The following HES7 variants were observed in gnomAD, a reference collection of about 807,000 sequenced individuals.
HES7 encodes hes family bHLH transcription factor 7.
A neutral mutation model predicts 18.0 loss-of-function variants in HES7; 8 were observed. The observed-to-expected ratio is 0.45, with a 90% CI of 0.26 to 0.80. HES7 has a LOEUF of 0.80. HES7 is among the 30% of genes least tolerant of loss of function. The pLI, the probability that HES7 is intolerant of heterozygous loss-of-function variation, is 0.18. For synonymous variants in HES7, 170 were observed against 158.6 expected (o/e 1.07, Z -0.54); for missense variants, 356 against 340.9 (o/e 1.04, Z -0.35).
chr17:8,122,909 G>C lies in HES7; in HGVS notation c.138+122C>G. On this transcript the variant is annotated intron_variant, in intron 2 of 3. Coordinates refer to ENST00000541682, the MANE Select transcript of HES7 (RefSeq NM_001165967.2). This position sits in a 1 kb window ranked among gnomAD's most constrained non-coding sequence, Gnocchi z 6.9. ...GTCTGGGATGGAATTCCAAAGGCGGGACTCGGGTGAGGATGCCTTGGGGCC... is the reference window on the plus strand; with the variant it reads ...GTCTGGGATGGAATTCCAAAGGCGGCACTCGGGTGAGGATGCCTTGGGGCC... The C allele has an allele frequency of 2.6e-6, 2 of 763,872 alleles. No homozygotes were observed. The highest frequency in any genetic ancestry group is 4.7e-6 in the Non-Finnish European group (2 of 429,170). 47.3% of individuals were successfully genotyped at this position (763,872 alleles called of 1,614,324 possible). A position where few individuals can be genotyped will look rare whatever the true frequency, so the allele number is the denominator to read the frequency against.
In HES7 at chr17:8,121,484, C is replaced by T; in HGVS notation, c.*87G>A. 5 of 1,194,842 alleles carry T rather than the reference C, an allele frequency of 4.2e-6. No individual in the cohort carries two copies. The highest frequency in any genetic ancestry group is 5.3e-6 in the Non-Finnish European group (5 of 945,242). 74.0% of individuals were successfully genotyped at this position (1,194,842 alleles called of 1,614,324 possible). ...GCCCCACTGCCCTCCCCAACACCTG[C>T]TCGCCCGGACGCCCGGGTCCCTCTG... On this transcript the variant is annotated 3_prime_UTR_variant, in exon 4 of 4. Coordinates refer to ENST00000541682, the MANE Select transcript of HES7 (RefSeq NM_001165967.2).
rs1372483607 is a variant in HES7 at position 8,122,044 on chromosome 17, C to T, written c.227-7G>A. ...ACCCCTGGAGCCGCGGCGGCTGGTGCGGCCGGCGGGAGCACAGGTGGGCAG... is the reference window on the plus strand; with the variant it reads ...ACCCCTGGAGCCGCGGCGGCTGGTGTGGCCGGCGGGAGCACAGGTGGGCAG... On this transcript the variant is annotated splice_polypyrimidine_tract_variant and splice_region_variant and intron_variant, in intron 3 of 3. Transcript: ENST00000541682. The surrounding 1 kb of genome is among the most constrained non-coding windows in gnomAD (Gnocchi z 6.9). 1.3e-6 allele frequency: 2 copies of T among 1,497,044 alleles called. No homozygotes were observed. The highest frequency in any genetic ancestry group is 1.4e-5 in the African/African-American group (1 of 69,082). The allele number at this position is 1,497,044 out of a possible 1,614,324, so 92.7% of individuals were successfully genotyped here. A position where few individuals can be genotyped will look rare whatever the true frequency, so the allele number is the denominator to read the frequency against.
rs763432621 is a variant in HES7, at chr17:8,122,087, G to A, written c.227-50C>T. On this transcript the variant is annotated intron_variant, in intron 3 of 3. Coordinates refer to ENST00000541682, the MANE Select transcript of HES7 (RefSeq NM_001165967.2). This position sits in a 1 kb window ranked among gnomAD's most constrained non-coding sequence, Gnocchi z 6.9. ...GTGGGCAGGGCAGGGGCCCGGCAGG[G>A]GTGAGGGAAGGGGCGGGGCGCAGAG... The A allele has an allele frequency of 1.5e-4, 218 of 1,428,254 alleles. No homozygotes were observed. In the East Asian group the frequency reaches 4.5e-3, roughly 29 times the overall value. 88.5% of individuals were successfully genotyped at this position (1,428,254 alleles called of 1,614,324 possible).
Position 8,121,959 on chromosome 17 carries a change from C to G in HES7, c.305G>C (p.Arg102Pro). 1 of 1,554,128 alleles carries G rather than the reference C, an allele frequency of 6.4e-7. No homozygotes were observed. Among genetic ancestry groups the G allele is most frequent in the South Asian group, 1.2e-5 (1 of 86,224 alleles). The change falls in exon 4 of 4, where the codon CGC becomes CCC. Residue 102 changes from arginine to proline, a missense_variant. Physicochemically the swap from Arg to Pro is moderately radical, Grantham distance 103. Coordinates refer to ENST00000541682, the MANE Select transcript of HES7 (RefSeq NM_001165967.2). ...GGCCGCCAAGCGAAGCAGGCACTCG[C>G]GGAAACCGGACAAGTAGCAGCTGGC... ...ALASCYLSGF[R>P]ECLLRLAAFA...
chr17:8,122,177 G>T lies in HES7; in HGVS notation c.227-140C>A. On this transcript the variant is annotated intron_variant, in intron 3 of 3. Coordinates refer to ENST00000541682, the MANE Select transcript of HES7 (RefSeq NM_001165967.2). The surrounding 1 kb of genome is among the most constrained non-coding windows in gnomAD (Gnocchi z 6.9). The stretch of plus-strand genomic sequence containing the variant: ...ATGGACGGAAAGAGGGAGAAAATGA[G>T]GGAGACACAGAGACAGACACGCGCG... The T allele has an allele frequency of 1.0e-6, 1 of 956,596 alleles. No homozygotes were observed. 59.3% of individuals were successfully genotyped at this position (956,596 alleles called of 1,614,324 possible).
rs1981439240 is a variant in HES7, at chr17:8,123,033, G to C, written c.136C>G (p.Gln46Glu). The C allele has an allele frequency of 4.4e-6, 7 of 1,595,482 alleles. No individual in the cohort carries two copies. The South Asian group carries it at 7.9e-5, about 18-fold the overall frequency. Residue 46 changes from glutamine to glutamate, a missense_variant and splice_region_variant, in exon 2 of 4, where the codon CAG becomes GAG. Physicochemically the swap from Gln to Glu is conservative, Grantham distance 29. Transcript: ENST00000541682. This position sits in a 1 kb window ranked among gnomAD's most constrained non-coding sequence, Gnocchi z 5.9. ...RLLLLERTRD[Q>E]NLRNPKLEKA... Reference sequence around the variant, plus strand: ...CTAGGGCTAGCGGAGGGACTGACCTGGTCCCGGGTCCGCTCCAGCAGCAGC... The same window carrying C: ...CTAGGGCTAGCGGAGGGACTGACCTCGTCCCGGGTCCGCTCCAGCAGCAGC...
rs1213237009 is a variant in HES7, at chr17:8,122,062, G to A, written c.227-25C>T. The A allele has an allele frequency of 4.0e-6, 6 of 1,488,982 alleles. No homozygotes were observed. In the African/African-American group the frequency reaches 7.2e-5, roughly 18 times the overall value. 92.2% of individuals were successfully genotyped at this position (1,488,982 alleles called of 1,614,324 possible). A position where few individuals can be genotyped will look rare whatever the true frequency, so the allele number is the denominator to read the frequency against. The stretch of plus-strand genomic sequence containing the variant: ...GCTGGTGCGGCCGGCGGGAGCACAG[G>A]TGGGCAGGGCAGGGGCCCGGCAGGG... On this transcript the variant is annotated intron_variant, in intron 3 of 3. Transcript: ENST00000541682. This position sits in a 1 kb window ranked among gnomAD's most constrained non-coding sequence, Gnocchi z 6.9.
Position 8,123,018 on chromosome 17 carries a change from C to G in HES7, c.138+13G>C. The G allele has an allele frequency of 7.6e-6, 12 of 1,583,310 alleles. No homozygotes were observed. The highest frequency in any genetic ancestry group is 1.0e-5 in the Non-Finnish European group (12 of 1,162,816). On this transcript the variant is annotated intron_variant, in intron 2 of 3. Coordinates refer to ENST00000541682, the MANE Select transcript of HES7 (RefSeq NM_001165967.2). This position sits in a 1 kb window ranked among gnomAD's most constrained non-coding sequence, Gnocchi z 5.9. The stretch of plus-strand genomic sequence containing the variant: ...GGGAAGCTTGGGGACCTAGGGCTAG[C>G]GGAGGGACTGACCTGGTCCCGGGTC...
Position 8,122,490 on chromosome 17 carries a change from G to T in HES7, c.139-60C>A. 3 of 1,180,118 alleles carry T rather than the reference G, an allele frequency of 2.5e-6. No homozygotes were observed. Among genetic ancestry groups the T allele is most frequent in the Non-Finnish European group, 2.5e-6 (2 of 810,670 alleles). The allele number at this position is 1,180,118 out of a possible 1,614,324, so 73.1% of individuals were successfully genotyped here. On this transcript the variant is annotated intron_variant, in intron 2 of 3. Transcript: ENST00000541682. The surrounding 1 kb of genome is among the most constrained non-coding windows in gnomAD (Gnocchi z 6.9). ...GGGGTGGGGAGAAAGGGGGAAAGTG[G>T]CAGGGGGAAGAAGGGAGGGACGGAT...
chr17:8,121,296 G>T lies in HES7; in HGVS notation c.*275C>A. The T allele has an allele frequency of 2.9e-6, 1 of 347,544 alleles. No individual in the cohort carries two copies. The highest frequency in any genetic ancestry group is 5.1e-6 in the Non-Finnish European group (1 of 194,392). 21.5% of individuals were successfully genotyped at this position (347,544 alleles called of 1,614,324 possible). A position where few individuals can be genotyped will look rare whatever the true frequency, so the allele number is the denominator to read the frequency against. On this transcript the variant is annotated 3_prime_UTR_variant, in exon 4 of 4. Transcript: ENST00000541682. ...AATAACCACTTTATTCCATGCACTAGGGACTCGGGAAGGGACTGGGACTGG... is the reference window on the plus strand; with the variant it reads ...AATAACCACTTTATTCCATGCACTATGGACTCGGGAAGGGACTGGGACTGG...
rs540088263 is a variant in HES7, at chr17:8,120,905, G to T, written c.*666C>A. ...CCACTCTAGTACCCGTAAGCTACAA[G>T]ACGCCGCCGTTCGTCGGGTGGCTCT... On this transcript the variant is annotated 3_prime_UTR_variant, in exon 4 of 4. Transcript: ENST00000541682. 2.6e-3 allele frequency: 398 copies of T among 152,792 alleles called. 3 individuals are homozygous for T. The highest frequency in any genetic ancestry group is 3.0e-3 in the Non-Finnish European group (203 of 68,048). 9.5% of individuals were successfully genotyped at this position (152,792 alleles called of 1,614,324 possible).
Position 8,121,899 on chromosome 17 carries a change from T to C in HES7, c.365A>G (p.Gln122Arg). 2 of 1,568,114 alleles carry C rather than the reference T, an allele frequency of 1.3e-6. No individual in the cohort carries two copies. Among genetic ancestry groups the C allele is most frequent in the South Asian group, 2.3e-5 (2 of 87,994 alleles). Residue 122 changes from glutamine to arginine, a missense_variant, in exon 4 of 4, where the codon CAG becomes CGG. Physicochemically the swap from Gln to Arg is conservative, Grantham distance 43. Coordinates refer to ENST00000541682, the MANE Select transcript of HES7 (RefSeq NM_001165967.2). ...ATAGCCGTGCAGCGCGGAGAAGAGCTGGGCGCGGGCGGCCGGGCTGGCGTC... is the reference window on the plus strand; with the variant it reads ...ATAGCCGTGCAGCGCGGAGAAGAGCCGGGCGCGGGCGGCCGGGCTGGCGTC... Reference protein sequence around the residue: ...AHDASPAARAQLFSALHGYLR... With the variant: ...AHDASPAARARLFSALHGYLR...
Position 8,122,285 on chromosome 17 carries a change from G to T in HES7, c.226+58C>A. The T allele has an allele frequency of 7.0e-7, 1 of 1,432,136 alleles. No homozygotes were observed. The highest frequency in any genetic ancestry group is 9.6e-7 in the Non-Finnish European group (1 of 1,041,768). The allele number at this position is 1,432,136 out of a possible 1,614,324, so 88.7% of individuals were successfully genotyped here. ...CGCAGGGCCCGCCCACTCTGCCCCG[G>T]CCGGAGCCTCCTGGCGTCCCCCCTC... On this transcript the variant is annotated intron_variant, in intron 3 of 3. Coordinates refer to ENST00000541682, the MANE Select transcript of HES7 (RefSeq NM_001165967.2). This position sits in a 1 kb window ranked among gnomAD's most constrained non-coding sequence, Gnocchi z 6.9.
rs751740177 is a variant in HES7, at chr17:8,121,457, G to C, written c.*114C>G. 1 of 829,176 alleles carries C rather than the reference G, an allele frequency of 1.2e-6. No homozygotes were observed. The highest frequency in any genetic ancestry group is 1.8e-5 in the African/African-American group (1 of 56,182). The allele number at this position is 829,176 out of a possible 1,614,324, so 51.4% of individuals were successfully genotyped here. On this transcript the variant is annotated 3_prime_UTR_variant, in exon 4 of 4. Coordinates refer to ENST00000541682, the MANE Select transcript of HES7 (RefSeq NM_001165967.2). ...CATCTCACCCGCGCGCTGAGCCCGCGCGCCCCACTGCCCTCCCCAACACCT... is the reference window on the plus strand; with the variant it reads ...CATCTCACCCGCGCGCTGAGCCCGCCCGCCCCACTGCCCTCCCCAACACCT...
At position 8,121,486 on chromosome 17, in the gene HES7, C is replaced by T. The variant is rs1981314848; in HGVS notation, c.*85G>A. 1.7e-6 allele frequency: 2 copies of T among 1,198,786 alleles called. No homozygotes were observed. The highest frequency in any genetic ancestry group is 6.8e-5 in the South Asian group (2 of 29,340). The allele number at this position is 1,198,786 out of a possible 1,614,324, so 74.3% of individuals were successfully genotyped here. A position where few individuals can be genotyped will look rare whatever the true frequency, so the allele number is the denominator to read the frequency against. On this transcript the variant is annotated 3_prime_UTR_variant, in exon 4 of 4. Transcript: ENST00000541682. Reference sequence around the variant, plus strand: ...CCCACTGCCCTCCCCAACACCTGCTCGCCCGGACGCCCGGGTCCCTCTGCT... The same window carrying T: ...CCCACTGCCCTCCCCAACACCTGCTTGCCCGGACGCCCGGGTCCCTCTGCT...
Position 8,124,043 on chromosome 17 carries a change from C to T in HES7, c.42G>A (p.Lys14=). The change falls in exon 1 of 4, where the codon AAG becomes AAA. Residue 14 remains lysine, a splice_region_variant and synonymous_variant. Transcript: ENST00000541682. ...TGCTCCCTCCCCTCCCGCCTCTCACCTTGGGGCCGTCCCTATTCTCAGCTC... is the reference window on the plus strand; with the variant it reads ...TGCTCCCTCCCCTCCCGCCTCTCACTTTGGGGCCGTCCCTATTCTCAGCTC... ...RDRAENRDGP[K]MLKPLVEKRR... 1 of 1,614,080 alleles carries T rather than the reference C, an allele frequency of 6.2e-7. No individual in the cohort carries two copies. The highest frequency in any genetic ancestry group is 1.1e-5 in the South Asian group (1 of 91,082).
At chr17:8,125,911 T>C (rs1259775101), upstream of HES7, among the ~76,000 whole-genome samples, 1 of 152,240 alleles carries the variant, frequency 6.6e-6, no homozygotes. Context: ...CTACCAAATA[T>C]TAATCTTAAC....
chr17:8,125,823 C>G (rs1025963593), upstream of HES7, among the ~76,000 whole-genome samples: 2 of 152,222 alleles, frequency 1.3e-5, no homozygotes, highest in African/African-American at 2.4e-5. Context: ...TGCACGAGTA[C>G]AGTTTTCTTT....
At position 8,121,737 on chromosome 17, in the gene HES7, G is replaced by A. The variant is rs1301392056; in HGVS notation, c.527C>T (p.Pro176Leu). ...GAGGGATGGGGACCATGCGCAGCGC[G>A]GGCTAGGGTGGCCCTGGTGCACTGG... ...RPPVHQGHPSPRCAWSPSLCS... is the reference protein window; with the variant it reads ...RPPVHQGHPSLRCAWSPSLCS... Residue 176 changes from proline (P) to leucine (L), a missense_variant, in exon 4 of 4, where the codon CCG becomes CTG. Pro to Leu is a moderately conservative substitution (Grantham distance 98). Coordinates refer to ENST00000541682, the MANE Select transcript of HES7 (RefSeq NM_001165967.2). 2.8e-6 allele frequency: 4 copies of A among 1,431,274 alleles called. No individual in the cohort carries two copies. In the African/African-American group the frequency reaches 6.0e-5, roughly 21 times the overall value. The allele number at this position is 1,431,274 out of a possible 1,614,324, so 88.7% of individuals were successfully genotyped here. A position where few individuals can be genotyped will look rare whatever the true frequency, so the allele number is the denominator to read the frequency against.
Sources: allele counts gnomAD v4.1 joint callset (sites outside exome capture counted in the v4.1 genomes callset), GRCh38; gene constraint gnomAD v4.1.1; non-coding constraint Gnocchi (gnomAD v3.1); transcripts MANE v1.5; gene names NCBI Gene and HGNC (gene_info 2026-07-23, HGNC 2026-07-21).